BRD1: variants seen among roughly 807,000 people sequenced by gnomAD.
BRD1 encodes bromodomain-containing protein 1.
In BRD1, 24 loss-of-function variants were observed where a neutral mutation model predicts 107.7. The ratio of observed to expected loss-of-function variants is 0.22; its 90% CI spans 0.16 to 0.31. The LOEUF (loss-of-function observed/expected upper bound fraction) is 0.31. BRD1 is among the 10% of genes least tolerant of loss of function. BRD1 has a pLI of 1.00. For synonymous variants in BRD1, 744 were observed against 686.1 expected (o/e 1.08, Z -1.32); for missense variants, 1,279 against 1,638.6 (o/e 0.78, Z 3.79).
chr22:49,779,418 C>T (rs1371374937), intron 8 of BRD1, among the ~76,000 whole-genome samples: 1 of 152,176 alleles, frequency 6.6e-6, no homozygotes, highest in Non-Finnish European at 1.5e-5. Context: ...ACAGATTGGG[C>T]GGGTGCACTG....
At chr22:49,815,554 A>G (rs1481019943) in intron 2 of BRD1, among the ~76,000 whole-genome samples, 5 of 149,170 alleles carry the variant, frequency 3.4e-5, no homozygotes, top group East Asian at 3.9e-4. Context: ...AAAAGAAGAA[A>G]AAAAAAAAAA....
chr22:49,827,360 A>AGCCGCCGCC lies in BRD1; in HGVS notation c.-15+128_-15+136dup, dbSNP rs1270219044. The AGCCGCCGCC allele has an allele frequency of 5.7e-4, 87 of 151,446 alleles. 1 individual carries two copies. Among genetic ancestry groups the AGCCGCCGCC allele is most frequent in the African/African-American group, 2.0e-3 (77 of 39,194 alleles). 9.4% of individuals were successfully genotyped at this position (151,446 alleles called of 1,614,324 possible). ...GGCTCCCGGCCCGCAGACAATGCGG[A>AGCCGCCGCC]GCCGCCGCCGCCGCCGCCGCCGCCA... is the stretch of plus-strand genomic sequence containing the variant. On this transcript the variant is annotated intron_variant, in intron 1 of 12. Transcript: ENST00000404760.
chr22:49,823,432 G>A lies in BRD1; in HGVS notation c.886C>T (p.Leu296=). The stretch of plus-strand genomic sequence containing the variant: ...GCAAAGCCGACCTCTGGGATCCACA[G>A]GGCACACACCACGTGACCCCAGCGG... ...DDRWGHVVCA[L]WIPEVGFANT... Residue 296 remains leucine (L), a synonymous_variant, in exon 2 of 13, where the codon CTG becomes TTG. Coordinates refer to ENST00000404760, the MANE Select transcript of BRD1 (RefSeq NM_001304808.3). 6.2e-7 allele frequency: 1 copy of A among 1,612,060 alleles called. No individual in the cohort carries two copies. Among genetic ancestry groups the A allele is most frequent in the Non-Finnish European group, 8.5e-7 (1 of 1,180,014 alleles).
intron 3 of BRD1, among the ~76,000 whole-genome samples, chr22:49,802,814 G>A (rs1033666338): frequency 6.6e-6 from 1 of 152,248 alleles, no homozygotes; most frequent in Non-Finnish European, 1.5e-5. Context: ...TGGAGGCTAC[G>A]AGGTGAGGAC....
At chr22:49,774,530 G>A in intron 12 of BRD1, 114 bp from the exon 13 acceptor site, 1 of 1,178,716 alleles carries the variant, frequency 8.5e-7, no homozygotes, top group Non-Finnish European at 1.2e-6. Context: ...GCCCTGCTCA[G>A]CACCACCAAG....
chr22:49,811,578 C>T (rs1443856062), intron 2 of BRD1, among the ~76,000 whole-genome samples: 1 of 152,204 alleles, frequency 6.6e-6, no homozygotes, highest in African/African-American at 2.4e-5. Context: ...GATTCACGCT[C>T]CCGGCAGGCA....
intron 6 of BRD1, among the ~76,000 whole-genome samples, chr22:49,795,436 G>A (rs1470326635): frequency 1.3e-5 from 2 of 152,128 alleles, no homozygotes; most frequent in African/African-American, 2.4e-5. Context: ...TTTCTCCTTA[G>A]CAAAAAAACC....
rs1200513908 is a variant in BRD1 at position 49,792,071 on chromosome 22, CCAACCATGCGAGGTCCT to C, written c.2359+1946_2359+1962del. ...CACCACAGCGGAGGGCCAAGCAGCT[CCAACCATGCGAGGTCCT>C]CAACCATGCGAGGTCCTCAGTCCTG... On this transcript the variant is annotated intron_variant, in intron 7 of 12. Transcript: ENST00000404760. This position sits in a 1 kb window ranked among gnomAD's most constrained non-coding sequence, Gnocchi z 4.2. Among the ~76,000 whole-genome samples, 10 of 152,116 alleles carry C rather than the reference CCAACCATGCGAGGTCCT, an allele frequency of 6.6e-5. No homozygotes were observed. Among genetic ancestry groups the C allele is most frequent in the Admixed American group, 2.6e-4 (4 of 15,266 alleles).
Position 49,824,793 on chromosome 22 carries a change from G to A in BRD1, c.-14-462C>T. ...GACAGGCATGCTCAGTGGCTACCTG[G>A]TCCTATCGGATGCTCCCCCTAAACC... On this transcript the variant is annotated intron_variant, in intron 1 of 12. Transcript: ENST00000404760. The surrounding 1 kb of genome is among the most constrained non-coding windows in gnomAD (Gnocchi z 5.9). 1 of 1,012,506 alleles carries A rather than the reference G, an allele frequency of 9.9e-7. No homozygotes were observed. The highest frequency in any genetic ancestry group is 1.7e-5 in the African/African-American group (1 of 58,452). The allele number at this position is 1,012,506 out of a possible 1,614,324, so 62.7% of individuals were successfully genotyped here.
rs1569145075 is a variant in BRD1 at position 49,824,990 on chromosome 22, C to T, written c.-14-659G>A. ...ACGGCACAGGGGACCAACAGGGGAG[C>T]CCTGTACTGGTCTGAGGGGACAGTC... On this transcript the variant is annotated intron_variant, in intron 1 of 12. Coordinates refer to ENST00000404760, the MANE Select transcript of BRD1 (RefSeq NM_001304808.3). This position sits in a 1 kb window ranked among gnomAD's most constrained non-coding sequence, Gnocchi z 5.9. 6.6e-6 allele frequency among the ~76,000 whole-genome samples: 1 copy of T among 152,248 alleles called. No homozygotes were observed. Among genetic ancestry groups the T allele is most frequent in the East Asian group, 1.9e-4 (1 of 5,170 alleles).
chr22:49,798,206 C>T (rs543133892), intron 5 of BRD1, 89 bp from the exon 6 acceptor site: 1 of 1,312,884 alleles, frequency 7.6e-7, no homozygotes, highest in Non-Finnish European at 1.0e-6. Flanking sequence ...ACCCACAAGC[C>T]CATCCTATCT....
intron 5 of BRD1, 43 bp from the exon 6 acceptor site, chr22:49,798,160 G>A: frequency 2.7e-6 from 4 of 1,503,580 alleles, no homozygotes; most frequent in Non-Finnish European, 3.6e-6. Context: ...AACTAAAACA[G>A]GATATTAGTT....
In BRD1 at chr22:49,803,170, C is replaced by T. The variant is rs779626764; in HGVS notation, c.1524+1034G>A. Among the ~76,000 whole-genome samples the T allele has an allele frequency of 3.3e-5, 5 of 152,236 alleles. No homozygotes were observed. The highest frequency in any genetic ancestry group is 4.8e-5 in the African/African-American group (2 of 41,464). ...AGTTCCCTGGAGCACAAGGCAGCCA[C>T]GGCAGGTGACTGAACAGGGCTCACG... is the stretch of plus-strand genomic sequence containing the variant. On this transcript the variant is annotated intron_variant, in intron 3 of 12. Coordinates refer to ENST00000404760, the MANE Select transcript of BRD1 (RefSeq NM_001304808.3). The surrounding 1 kb of genome is among the most constrained non-coding windows in gnomAD (Gnocchi z 4.4).
chr22:49,784,716 C>G (rs2059288680), intron 8 of BRD1, among the ~76,000 whole-genome samples: 1 of 152,224 alleles, frequency 6.6e-6, no homozygotes. Context: ...AGAACTGCAG[C>G]TCTGGGCAAG....
Position 49,827,625 on chromosome 22 carries a change from C to G in BRD1, c.-143G>C, listed in dbSNP as rs949111586. 6.9e-5 allele frequency: 10 copies of G among 145,002 alleles called. No homozygotes were observed. Among genetic ancestry groups the G allele is most frequent in the African/African-American group, 2.2e-4 (9 of 40,498 alleles). 9.0% of individuals were successfully genotyped at this position (145,002 alleles called of 1,614,324 possible). ...GCGCAGGCCGGGCCCCGCCGCCGCT[C>G]CTGGGCGCGGGCCCCTCTCGGCCGC... is the stretch of plus-strand genomic sequence containing the variant. On this transcript the variant is annotated 5_prime_UTR_variant, in exon 1 of 13. Coordinates refer to ENST00000404760, the MANE Select transcript of BRD1 (RefSeq NM_001304808.3).
intron 2 of BRD1, among the ~76,000 whole-genome samples, chr22:49,810,858 T>G (rs1489795032): frequency 6.6e-6 from 1 of 152,132 alleles, no homozygotes; most frequent in African/African-American, 2.4e-5. Context: ...CTCAAAATAC[T>G]AAACAGCATT....
At chr22:49,808,596 GGT>G (rs1330000519) in intron 2 of BRD1, among the ~76,000 whole-genome samples, 1 of 152,170 alleles carries the variant, frequency 6.6e-6, no homozygotes, top group Non-Finnish European at 1.5e-5. Context: ...GAAGATAGAT[GGT>G]GGTGATGGCT....
At chr22:49,794,756 T>C (rs570616768) in intron 6 of BRD1, among the ~76,000 whole-genome samples, 1 of 152,234 alleles carries the variant, frequency 6.6e-6, no homozygotes, top group Non-Finnish European at 1.5e-5. Flanking sequence ...CCATTGCACG[T>C]CCTAAGTGGT....
chr22:49,797,890 G>T lies in BRD1; in HGVS notation c.2013C>A (p.Asp671Glu). The T allele has an allele frequency of 6.2e-7, 1 of 1,613,970 alleles. No homozygotes were observed. The highest frequency in any genetic ancestry group is 8.5e-7 in the Non-Finnish European group (1 of 1,180,040). The part of the protein sequence containing the change: ...VVLRQARREV[D>E]SIGLEEASGM... ...CCGAGGCCTCTTCCAAGCCGATGCT[G>T]TCCACCTCGCGCCGGGCCTGCCTCA... The change falls in exon 6 of 13, where the codon GAC (aspartate) becomes GAA (glutamate). Residue 671 changes from aspartate to glutamate, a missense_variant. By Grantham distance (45) the Asp-to-Glu change is conservative (BLOSUM62 2). Coordinates refer to ENST00000404760, the MANE Select transcript of BRD1 (RefSeq NM_001304808.3).
Sources: allele counts gnomAD v4.1 joint callset (sites outside exome capture counted in the v4.1 genomes callset), GRCh38; gene constraint gnomAD v4.1.1; non-coding constraint Gnocchi (gnomAD v3.1); transcripts MANE v1.5; gene names NCBI Gene and HGNC (gene_info 2026-07-23, HGNC 2026-07-21).